The following KCNH8 variants were observed in gnomAD, a reference collection of about 807,000 sequenced individuals.
The protein encoded by KCNH8 is voltage-gated delayed rectifier potassium channel KCNH8.
KCNH8 carries 70 observed loss-of-function variants against 103.6 expected under a neutral mutation model. The observed-to-expected ratio is 0.68, with a 90% CI of 0.56 to 0.82. KCNH8 has a LOEUF of 0.82. KCNH8 is among the 40% of genes least tolerant of loss of function. KCNH8 has a pLI of 0.00. For missense variants in KCNH8, 1,217 were observed against 1,329.9 expected (o/e 0.92, Z 1.32); for synonymous variants, 498 against 489.4 (o/e 1.02, Z -0.23).
intron 1 of KCNH8, among the ~76,000 whole-genome samples, chr3:19,209,172 A>G (rs1431263131): frequency 6.6e-6 from 1 of 152,008 alleles, no homozygotes; most frequent in Non-Finnish European, 1.5e-5. Context: ...TAAAATATAT[A>G]TTACACCTTC....
chr3:19,471,819 T>C (rs2067862709), intron 11 of KCNH8, among the ~76,000 whole-genome samples: 1 of 152,216 alleles, frequency 6.6e-6, no homozygotes, highest in Non-Finnish European at 1.5e-5. Flanking sequence ...CATGGTCAGT[T>C]GCCTAATCCT....
At chr3:19,513,388 C>T in intron 13 of KCNH8, 63 bp downstream of exon 13, 1 of 1,516,188 alleles carries the variant, frequency 6.6e-7, no homozygotes, top group Non-Finnish European at 8.8e-7. Context: ...CAGAGTAGTA[C>T]CTGCCTTCAG....
At chr3:19,223,064 A>G (rs1221921819) in intron 1 of KCNH8, among the ~76,000 whole-genome samples, 1 of 152,132 alleles carries the variant, frequency 6.6e-6, no homozygotes, top group Non-Finnish European at 1.5e-5. Flanking sequence ...AGAGTAGAAG[A>G]GTAATTAGCA....
intron 11 of KCNH8, among the ~76,000 whole-genome samples, chr3:19,497,576 C>T (rs1241177785): frequency 6.6e-6 from 1 of 152,062 alleles, no homozygotes; most frequent in African/African-American, 2.4e-5. Context: ...ATGTTGATTT[C>T]TGTTTTTATG....
intron 5 of KCNH8, among the ~76,000 whole-genome samples, chr3:19,369,500 T>C (rs945093131): frequency 9.4e-4 from 143 of 152,126 alleles, no homozygotes; most frequent in African/African-American, 3.3e-3. Flanking sequence ...TCATGGGAGA[T>C]TGTTTCGCCA....
intron 15 of KCNH8, among the ~76,000 whole-genome samples, chr3:19,526,931 C>CA (rs1464746454): frequency 6.6e-6 from 1 of 151,948 alleles, no homozygotes; most frequent in Non-Finnish European, 1.5e-5. Flanking sequence ...AGGATTTTTA[C>CA]AGGAGCTTGA....
At chr3:19,531,720 T>C (rs1335918876) in intron 15 of KCNH8, among the ~76,000 whole-genome samples, 3 of 152,210 alleles carry the variant, frequency 2.0e-5, no homozygotes, top group Non-Finnish European at 4.4e-5. Context: ...TCACAGTAAG[T>C]AGACTGAATT....
At chr3:19,522,331 T>C (rs560657309) in intron 15 of KCNH8, among the ~76,000 whole-genome samples, 177 of 151,912 alleles carry the variant, frequency 1.2e-3, no homozygotes, top group African/African-American at 4.1e-3. Flanking sequence ...GAGCCAGTGG[T>C]GTCAGTTCCA....
At chr3:19,286,387 G>T (rs1575496198) in intron 3 of KCNH8, among the ~76,000 whole-genome samples, 1 of 152,348 alleles carries the variant, frequency 6.6e-6, no homozygotes, top group Non-Finnish European at 1.5e-5. Flanking sequence ...CCAGCGGTGT[G>T]AATGCACAGA....
intron 5 of KCNH8, among the ~76,000 whole-genome samples, chr3:19,354,739 A>G (rs1297250498): frequency 1.3e-5 from 2 of 152,246 alleles, no homozygotes; most frequent in East Asian, 1.9e-4. Flanking sequence ...TTCAAGATGG[A>G]TTAAAGATTT....
At chr3:19,481,829 C>T (rs1164703637) in intron 11 of KCNH8, among the ~76,000 whole-genome samples, 1 of 152,166 alleles carries the variant, frequency 6.6e-6, no homozygotes, top group African/African-American at 2.4e-5. Flanking sequence ...CCTGAGAAAA[C>T]TTATGGTTGG....
At chr3:19,446,105 T>A (rs2067358607) in intron 8 of KCNH8, among the ~76,000 whole-genome samples, 1 of 152,062 alleles carries the variant, frequency 6.6e-6, no homozygotes, top group African/African-American at 2.4e-5. Flanking sequence ...TTTCCATACA[T>A]ATATAACTAT....
intron 2 of KCNH8, among the ~76,000 whole-genome samples, chr3:19,274,491 A>G (rs1428087844): frequency 1.3e-5 from 2 of 152,146 alleles, no homozygotes; most frequent in Non-Finnish European, 2.9e-5. Context: ...AACTCCTTTC[A>G]ACTGTAGGTA....
intron 11 of KCNH8, among the ~76,000 whole-genome samples, chr3:19,481,890 C>G (rs769437107): frequency 3.3e-5 from 5 of 152,164 alleles, no homozygotes; most frequent in Admixed American, 6.5e-5. Context: ...ACATTCTGTT[C>G]TTAACTTGAT....
intron 6 of KCNH8, among the ~76,000 whole-genome samples, chr3:19,391,419 A>G (rs1178183578): frequency 6.6e-6 from 1 of 152,070 alleles, no homozygotes; most frequent in Non-Finnish European, 1.5e-5. Context: ...TTTCTGCTAG[A>G]GTAACCAATT....
chr3:19,244,682 T>C (rs558460215), intron 1 of KCNH8, among the ~76,000 whole-genome samples: 1 of 152,332 alleles, frequency 6.6e-6, no homozygotes, highest in Admixed American at 6.5e-5. Flanking sequence ...TGAGATGGTA[T>C]CTCGTTGTGG....
intron 8 of KCNH8, among the ~76,000 whole-genome samples, chr3:19,444,792 A>G (rs1006658207): frequency 1.8e-4 from 27 of 152,080 alleles, no homozygotes; most frequent in African/African-American, 6.0e-4. Flanking sequence ...AACCAAAATT[A>G]GATACCATTT....
chr3:19,284,927 A>T (rs2064810897), intron 3 of KCNH8, among the ~76,000 whole-genome samples: 1 of 151,650 alleles, frequency 6.6e-6, no homozygotes, highest in Admixed American at 6.6e-5. Flanking sequence ...AAAGAAAAGA[A>T]AAAGAAAGGA....
chr3:19,392,470 C>G (rs1267898168), intron 6 of KCNH8, among the ~76,000 whole-genome samples: 1 of 151,914 alleles, frequency 6.6e-6, no homozygotes, highest in Non-Finnish European at 1.5e-5. Flanking sequence ...ATCAAATATC[C>G]TATAATATTT....
Sources: allele counts gnomAD v4.1 joint callset (sites outside exome capture counted in the v4.1 genomes callset), GRCh38; gene constraint gnomAD v4.1.1; transcripts MANE v1.5; gene names NCBI Gene and HGNC (gene_info 2026-07-23, HGNC 2026-07-21).